Variants in CDC45 observed in about 807,000 individuals in gnomAD.
CDC45 encodes cell division control protein 45 homolog.
A neutral mutation model predicts 77.8 loss-of-function variants in CDC45; 54 were observed. The ratio of observed to expected loss-of-function variants is 0.69; its 90% CI spans 0.56 to 0.87. CDC45 has a LOEUF of 0.87. CDC45 is among the 40% of genes least tolerant of loss of function. The pLI is 0.00. For missense variants in CDC45, 649 were observed against 721.6 expected (o/e 0.90, Z 1.15); for synonymous variants, 260 against 272.1 (o/e 0.96, Z 0.44).
At chr22:19,506,383 C>T (rs1933177382) in intron 10 of CDC45, among the ~76,000 whole-genome samples, 1 of 151,994 alleles carries the variant, frequency 6.6e-6, no homozygotes, top group South Asian at 2.1e-4. Context: ...GAGTGTGTGA[C>T]TGAGACAGGA....
chr22:19,479,670 C>T (rs2089939500), upstream of CDC45: 1 of 683,768 alleles, frequency 1.5e-6, no homozygotes, highest in African/African-American at 1.8e-5. Context: ...AGATGTCCGC[C>T]CAGCGTCGCT....
In CDC45 at chr22:19,494,310, C is replaced by T. The variant is rs765039909; in HGVS notation, c.487-17C>T. On this transcript the variant is annotated splice_polypyrimidine_tract_variant and intron_variant, in intron 5 of 18. Coordinates refer to ENST00000263201, the MANE Select transcript of CDC45 (RefSeq NM_003504.5). The stretch of plus-strand genomic sequence containing the variant: ...GTGCATTTGCTCCACCTTTTGTTCT[C>T]TTTGTCCCTGTATCAGGAGATAGTG... 6.2e-7 allele frequency: 1 copy of T among 1,611,390 alleles called. No homozygotes were observed. Among genetic ancestry groups the T allele is most frequent in the East Asian group, 2.2e-5 (1 of 44,872 alleles).
In CDC45 at chr22:19,496,030, G is replaced by GT; in HGVS notation, c.591+2dup. On this transcript the variant is annotated splice_donor_variant, in intron 7 of 18. Transcript: ENST00000263201. LOFTEE classifies it high-confidence loss of function. ...GCAGTATGAATATCATGGGACATCG[G>GT]TAAGTATGAATAGGTGGAACTCACT... The GT allele has an allele frequency of 1.0e-5, 16 of 1,597,562 alleles. No individual in the cohort carries two copies. The highest frequency in any genetic ancestry group is 1.4e-5 in the Non-Finnish European group (16 of 1,165,186).
chr22:19,514,953 T>C lies in CDC45; in HGVS notation c.1357-12T>C, dbSNP rs778088950. 3.1e-6 allele frequency: 5 copies of C among 1,614,204 alleles called. No individual in the cohort carries two copies. In the Admixed American group the frequency reaches 8.3e-5, roughly 27 times the overall value. On this transcript the variant is annotated splice_polypyrimidine_tract_variant and intron_variant, in intron 14 of 18. Transcript: ENST00000263201. The stretch of plus-strand genomic sequence containing the variant: ...CAGTGGCTTCGTCTGACCATCTGTC[T>C]CGCCTCCGCAGGGCACTCCAGATGT...
Position 19,484,128 on chromosome 22 carries a change from A to G in CDC45, c.486+123A>G, listed in dbSNP as rs563056174. The G allele has an allele frequency of 6.6e-5, 59 of 895,448 alleles. No homozygotes were observed. The African/African-American group carries it at 7.6e-4, about 12-fold the overall frequency. The allele number at this position is 895,448 out of a possible 1,614,324, so 55.5% of individuals were successfully genotyped here. On this transcript the variant is annotated intron_variant, in intron 5 of 18. Transcript: ENST00000263201. ...GTGGGAAGTGGAAAAGTTAGCAGGC[A>G]TGGATGCTGACCCTGGGCTCTGCTG...
chr22:19,508,105 C>T (rs1337552189), intron 12 of CDC45, among the ~76,000 whole-genome samples: 5 of 152,076 alleles, frequency 3.3e-5, no homozygotes, highest in African/African-American at 9.7e-5. Flanking sequence ...GGTTTAGGAT[C>T]CTAGGATCCT....
intron 6 of CDC45, among the ~76,000 whole-genome samples, chr22:19,494,993 G>A (rs1187218595): frequency 1.3e-5 from 2 of 152,250 alleles, no homozygotes; most frequent in African/African-American, 4.8e-5. Context: ...CAAGGCTGCA[G>A]TGAACTATGA....
At chr22:19,503,909 A>G (rs752293917) in intron 9 of CDC45, among the ~76,000 whole-genome samples, 2 of 152,174 alleles carry the variant, frequency 1.3e-5, no homozygotes, top group Non-Finnish European at 2.9e-5. Flanking sequence ...AAAACCAGAA[A>G]CTTGCTTTGC....
intron 17 of CDC45, among the ~76,000 whole-genome samples, chr22:19,517,924 T>G (rs1933889657): frequency 6.6e-6 from 1 of 152,192 alleles, no homozygotes. Context: ...TGAGAAAGGA[T>G]ATTTTCTTGC....
At chr22:19,481,140 TA>T (rs1436502269) in intron 3 of CDC45, 95 bp downstream of exon 3, 4 of 780,080 alleles carry the variant, frequency 5.1e-6, no homozygotes, top group South Asian at 3.2e-5. Flanking sequence ...AGCGTGTATT[TA>T]AGTATCAGCT....
intron 2 of CDC45, 80 bp downstream of exon 2, chr22:19,480,297 G>A: frequency 7.7e-7 from 1 of 1,291,592 alleles, no homozygotes; most frequent in Non-Finnish European, 1.1e-6. Flanking sequence ...CGGGCAGAGT[G>A]TCAGGATGGG....
intron 3 of CDC45, among the ~76,000 whole-genome samples, chr22:19,481,632 G>A (rs565629000): frequency 1.4e-4 from 22 of 151,890 alleles, no homozygotes; most frequent in African/African-American, 5.3e-4. Flanking sequence ...GCCCACCTCC[G>A]AAAGTGCTGG....
chr22:19,505,529 G>T (rs769757964), intron 10 of CDC45, 48 bp downstream of exon 10: 1 of 1,605,860 alleles, frequency 6.2e-7, no homozygotes, highest in South Asian at 1.1e-5. Context: ...CCCCTGCTCA[G>T]CAGGCCTTGT....
At chr22:19,494,209 T>C in intron 5 of CDC45, 118 bp from the exon 6 acceptor site, 1 of 817,432 alleles carries the variant, frequency 1.2e-6, no homozygotes, top group Non-Finnish European at 2.1e-6. Flanking sequence ...GGTGTGACCG[T>C]GTTCTCTCTC....
intron 5 of CDC45, 151 bp downstream of exon 5, chr22:19,484,156 C>G (rs1225044085): frequency 1.6e-5 from 11 of 691,560 alleles, no homozygotes; most frequent in Non-Finnish European, 2.6e-5. Flanking sequence ...CTCTGCTGTC[C>G]CCTGGTTATG....
intron 5 of CDC45, among the ~76,000 whole-genome samples, chr22:19,492,623 T>C (rs1386003375): frequency 6.6e-6 from 1 of 152,226 alleles, no homozygotes; most frequent in African/African-American, 2.4e-5. Context: ...GTTTTCTTTT[T>C]TCATTCATTT....
chr22:19,501,497 GCCT>G (rs1426663763), intron 9 of CDC45, among the ~76,000 whole-genome samples: 1 of 152,158 alleles, frequency 6.6e-6, no homozygotes, highest in Admixed American at 6.5e-5. Context: ...AGGTCTTGTG[GCCT>G]CCTCAGAATC....
At chr22:19,500,903 G>A (rs2090329727) in intron 9 of CDC45, among the ~76,000 whole-genome samples, 4 of 152,078 alleles carry the variant, frequency 2.6e-5, no homozygotes, top group Admixed American at 6.6e-5. Flanking sequence ...GAGGCCGGGC[G>A]CGATGGCTCA....
intron 9 of CDC45, among the ~76,000 whole-genome samples, chr22:19,500,975 G>C (rs1221750868): frequency 6.6e-6 from 1 of 152,072 alleles, no homozygotes; most frequent in Non-Finnish European, 1.5e-5. Context: ...TCAGGAGTTC[G>C]AGACCAGCCT....
Sources: allele counts gnomAD v4.1 joint callset (sites outside exome capture counted in the v4.1 genomes callset), GRCh38; gene constraint gnomAD v4.1.1; transcripts MANE v1.5; gene names NCBI Gene and HGNC (gene_info 2026-07-23, HGNC 2026-07-21).